Variants in DCC observed in about 807,000 individuals in gnomAD.
The protein encoded by DCC is DCC netrin 1 receptor.
DCC carries 58 observed loss-of-function variants against 172.5 expected under a neutral mutation model. The observed-to-expected ratio is 0.34, with a 90% CI of 0.27 to 0.42. DCC has a LOEUF of 0.42. Among genes scored for constraint, DCC ranks in the 10% least tolerant of loss-of-function variants. DCC has a pLI of 1.00. For missense variants in DCC, 1,740 were observed against 1,791.0 expected (o/e 0.97, Z 0.51); for synonymous variants, 709 against 644.5 (o/e 1.10, Z -1.52).
At chr18:52,508,054 T>G (rs369211933) in intron 1 of DCC, among the ~76,000 whole-genome samples, 1 of 152,084 alleles carries the variant, frequency 6.6e-6, no homozygotes, top group East Asian at 1.9e-4. Flanking sequence ...GAGCTGAGTT[T>G]GAGCCACTGC....
intron 5 of DCC, among the ~76,000 whole-genome samples, chr18:52,990,663 G>A (rs2041374981): frequency 6.6e-6 from 1 of 150,892 alleles, no homozygotes; most frequent in African/African-American, 2.4e-5. Context: ...TTACCCACAT[G>A]CAATACCTAG....
intron 1 of DCC, among the ~76,000 whole-genome samples, chr18:52,400,885 T>G (rs924540783): frequency 1.3e-5 from 2 of 151,460 alleles, no homozygotes; most frequent in Non-Finnish European, 2.9e-5. Context: ...TAAGTGGGAG[T>G]TGGACAGTGA....
intron 5 of DCC, among the ~76,000 whole-genome samples, chr18:53,025,854 T>C (rs2041948420): frequency 6.6e-6 from 1 of 150,446 alleles, no homozygotes; most frequent in South Asian, 2.1e-4. Flanking sequence ...TATCTGAGGG[T>C]ATTAAACTAT....
At chr18:53,179,703 T>A (rs10853627) in intron 9 of DCC, among the ~76,000 whole-genome samples, 14 of 152,088 alleles carry the variant, frequency 9.2e-5, no homozygotes, top group African/African-American at 2.9e-4. Context: ...CTTTGACCAA[T>A]GTATAATTCA....
intron 5 of DCC, among the ~76,000 whole-genome samples, chr18:52,950,679 C>G (rs2040625841): frequency 6.6e-6 from 1 of 151,626 alleles, no homozygotes; most frequent in Non-Finnish European, 1.5e-5. Context: ...AATTCCAGCA[C>G]TTTGGGAGGC....
Position 52,864,926 on chromosome 18 carries a change from C to T in DCC, c.413-41118C>T, listed in dbSNP as rs2039198105. Reference sequence around the variant, plus strand: ...TGTGGCCCAGCCTGGAGTGCAGTGGCATGATCTTGGCTCACTGCCAGCTCT... The same window carrying T: ...TGTGGCCCAGCCTGGAGTGCAGTGGTATGATCTTGGCTCACTGCCAGCTCT... On this transcript the variant is annotated intron_variant, in intron 2 of 28. Coordinates refer to ENST00000442544, the MANE Select transcript of DCC (RefSeq NM_005215.4). 7.9e-5 allele frequency among the ~76,000 whole-genome samples: 12 copies of T among 151,902 alleles called. 1 individual carries two copies. In the South Asian group the frequency reaches 2.5e-3, roughly 32 times the overall value.
intron 7 of DCC, among the ~76,000 whole-genome samples, chr18:53,147,986 A>G (rs2043941264): frequency 1.3e-5 from 2 of 152,190 alleles, no homozygotes; most frequent in African/African-American, 4.8e-5. Context: ...TTCTTACTTA[A>G]GTTGTATTAT....
At chr18:53,021,691 G>A (rs561590639) in intron 5 of DCC, among the ~76,000 whole-genome samples, 1 of 152,164 alleles carries the variant, frequency 6.6e-6, no homozygotes, top group South Asian at 2.1e-4. Context: ...TCAATTGATT[G>A]CTTTAATCAG....
intron 16 of DCC, among the ~76,000 whole-genome samples, chr18:53,391,400 A>G (rs1399708493): frequency 6.6e-5 from 10 of 152,210 alleles, no homozygotes; most frequent in Admixed American, 6.5e-4. Flanking sequence ...GTGACAGTCA[A>G]ATTGATAAAA....
chr18:53,320,367 C>T lies in DCC; in HGVS notation c.2054-1680C>T, dbSNP rs765613357. 5.1e-4 allele frequency among the ~76,000 whole-genome samples: 78 copies of T among 152,188 alleles called. 2 individuals are homozygous for T. Among genetic ancestry groups the T allele is most frequent in the Non-Finnish European group, 2.1e-4 (14 of 67,998 alleles). On this transcript the variant is annotated intron_variant, in intron 13 of 28. Coordinates refer to ENST00000442544, the MANE Select transcript of DCC (RefSeq NM_005215.4). ...GATTACAGGCATGAGCCACCGCGCC[C>T]GGCCAAGAGTACATTTTTGATGGAT...
intron 13 of DCC, among the ~76,000 whole-genome samples, chr18:53,311,775 T>TG (rs1338689073): frequency 6.6e-6 from 1 of 152,168 alleles, no homozygotes; most frequent in Non-Finnish European, 1.5e-5. Context: ...ATTTTATGGA[T>TG]GAGGGCATGG....
At position 52,434,834 on chromosome 18, in the gene DCC, G is replaced by A. The variant is rs73459062; in HGVS notation, c.91+93956G>A. On this transcript the variant is annotated intron_variant, in intron 1 of 28. Coordinates refer to ENST00000442544, the MANE Select transcript of DCC (RefSeq NM_005215.4). ...ACCTCCCCACGCCCGTCCCTCTGGA[G>A]GCCTCCCTGATTCTGCAGTTTCGAT... Among the ~76,000 whole-genome samples the A allele has an allele frequency of 9.0e-3, 1,376 of 152,068 alleles. 21 individuals carry two copies. Among genetic ancestry groups the A allele is most frequent in the African/African-American group, 0.032 (1,323 of 41,450 alleles).
At chr18:53,001,473 TA>T (rs1270832359) in intron 5 of DCC, among the ~76,000 whole-genome samples, 2 of 152,136 alleles carry the variant, frequency 1.3e-5, no homozygotes, top group Non-Finnish European at 2.9e-5. Flanking sequence ...TTCTCTTCTG[TA>T]TCCCAGATTT....
intron 5 of DCC, among the ~76,000 whole-genome samples, chr18:53,044,455 G>T (rs1460835572): frequency 1.3e-5 from 2 of 151,740 alleles, no homozygotes; most frequent in African/African-American, 2.4e-5. Context: ...TGAACTGTGT[G>T]ATGCCGTAGA....
intron 15 of DCC, among the ~76,000 whole-genome samples, chr18:53,362,730 G>A (rs2057961181): frequency 6.6e-6 from 1 of 151,996 alleles, no homozygotes; most frequent in Non-Finnish European, 1.5e-5. Flanking sequence ...TTTTCTGTGA[G>A]TTATATTTTA....
intron 1 of DCC, among the ~76,000 whole-genome samples, chr18:52,413,866 C>A (rs1482272163): frequency 2.6e-5 from 4 of 152,056 alleles, no homozygotes; most frequent in African/African-American, 9.7e-5. Context: ...TAATTATGTA[C>A]AAAGCACTGG....
At chr18:52,855,364 C>G (rs376446803) in intron 2 of DCC, among the ~76,000 whole-genome samples, 1 of 152,250 alleles carries the variant, frequency 6.6e-6, no homozygotes, top group African/African-American at 2.4e-5. Flanking sequence ...CCTGTATTTT[C>G]TATATTCACA....
At chr18:52,903,540 G>T (rs1393776476) in intron 2 of DCC, among the ~76,000 whole-genome samples, 1 of 152,086 alleles carries the variant, frequency 6.6e-6, no homozygotes, top group East Asian at 1.9e-4. Flanking sequence ...CAATGTGTAT[G>T]ACTTCTAAAG....
intron 1 of DCC, among the ~76,000 whole-genome samples, chr18:52,630,994 C>T (rs1460980858): frequency 6.6e-6 from 1 of 152,124 alleles, no homozygotes; most frequent in African/African-American, 2.4e-5. Flanking sequence ...CAGTGCTGCA[C>T]CCTGGGGAAT....
Sources: gnomAD v4.1 joint callset for allele counts (sites outside exome capture counted in the v4.1 genomes callset) on GRCh38, gnomAD v4.1.1 for gene constraint, MANE v1.5 for transcripts, NCBI Gene and HGNC (gene_info 2026-07-23, HGNC 2026-07-21) for gene names.